TEX15: variants seen among roughly 807,000 people sequenced by gnomAD.
The protein encoded by TEX15 is testis expressed 15, meiosis and synapsis associated, also known as testis-expressed protein 15.
TEX15 carries 171 observed loss-of-function variants against 237.3 expected under a neutral mutation model. The ratio of observed to expected loss-of-function variants is 0.72; its 90% CI spans 0.64 to 0.82. The LOEUF is 0.82. Ranked by LOEUF, TEX15 falls within the 40% of genes least tolerant of loss-of-function variation. TEX15 has a pLI of 0.00. For missense variants in TEX15, 3,750 were observed against 3,646.5 expected, an observed-to-expected ratio of 1.03 and a Z score of -0.73; for synonymous variants, 1,338 against 1,269.8, an observed-to-expected ratio of 1.05 and a Z score of -1.14.
chr8:30,846,281 C>T lies in TEX15; in HGVS notation c.3886G>A (p.Glu1296Lys). The T allele has an allele frequency of 6.2e-7, 1 of 1,613,288 alleles. No homozygotes were observed. The highest frequency in any genetic ancestry group is 8.5e-7 in the Non-Finnish European group (1 of 1,179,658). Reference sequence around the variant, plus strand: ...AGCTTCCTTTTGCTAATTCTTGATTCTACCTCCTTTTTATTTTTGGTATCA... The same window carrying T: ...AGCTTCCTTTTGCTAATTCTTGATTTTACCTCCTTTTTATTTTTGGTATCA... ...YNDTKNKKEVESRISKRKLHI... is the reference protein window; with the variant it reads ...YNDTKNKKEVKSRISKRKLHI... The change falls in exon 8 of 11, where the codon GAA (glutamate) becomes AAA (lysine). Residue 1296 changes from glutamate to lysine, a missense_variant. Glu to Lys is a moderately conservative substitution (Grantham distance 56). Coordinates refer to ENST00000643185, the MANE Select transcript of TEX15 (RefSeq NM_001350162.2).
At chr8:30,860,090 A>G (rs1473523040) in intron 5 of TEX15, 33 bp from the exon 6 acceptor site, 1 of 1,427,270 alleles carries the variant, frequency 7.0e-7, no homozygotes, top group East Asian at 2.6e-5. Context: ...AAAAGTACGT[A>G]AAAATATACC....
At chr8:30,894,211 C>T (rs1267749694) in intron 2 of TEX15, among the ~76,000 whole-genome samples, 2 of 152,222 alleles carry the variant, frequency 1.3e-5, no homozygotes, top group East Asian at 3.9e-4. Flanking sequence ...CTTCCTGCTA[C>T]GTGGCAGGCT....
chr8:30,869,161 G>T (rs1808237275), intron 4 of TEX15, among the ~76,000 whole-genome samples: 1 of 151,760 alleles, frequency 6.6e-6, no homozygotes, highest in African/African-American at 2.4e-5. Context: ...TCTAAAAATT[G>T]CATAAAAGGT....
chr8:30,849,209 G>T lies in TEX15; in HGVS notation c.958C>A (p.Gln320Lys). 1 of 1,536,570 alleles carries T rather than the reference G, an allele frequency of 6.5e-7. No individual in the cohort carries two copies. Among genetic ancestry groups the T allele is most frequent in the Non-Finnish European group, 8.7e-7 (1 of 1,146,816 alleles). The change falls in exon 8 of 11, where the codon CAA (glutamine) becomes AAA (lysine). Residue 320 changes from glutamine (Q) to lysine (K), a missense_variant. Physicochemically the swap from Gln to Lys is moderately conservative, Grantham distance 53 (BLOSUM62 1). Coordinates refer to ENST00000643185, the MANE Select transcript of TEX15 (RefSeq NM_001350162.2). ...HFKKPVDPFV[Q>K]ENCLCNALNS... ...AGTGCATTGCATAAACAGTTTTCTT[G>T]AACAAATGGATCTACAGGTTTCTTG...
intron 7 of TEX15, among the ~76,000 whole-genome samples, chr8:30,854,859 G>A (rs1011739184): frequency 5.3e-5 from 8 of 151,892 alleles, no homozygotes; most frequent in African/African-American, 1.9e-4. Flanking sequence ...ACATTATATC[G>A]ATAAAAACAA....
In TEX15 at chr8:30,845,384, G is replaced by A; in HGVS notation, c.4783C>T (p.His1595Tyr). Residue 1595 changes from histidine to tyrosine, a missense_variant, in exon 8 of 11, where the codon CAT becomes TAT. His to Tyr is a moderately conservative substitution (Grantham distance 83). Coordinates refer to ENST00000643185, the MANE Select transcript of TEX15 (RefSeq NM_001350162.2). The part of the protein sequence containing the change: ...YEKLEKHSAN[H>Y]NVKDATKENS... ...TCTTTAGTTGCATCTTTAACATTAT[G>A]ATTTGCTGAATGTTTTTCAAGCTTT... is the stretch of plus-strand genomic sequence containing the variant. The A allele has an allele frequency of 6.2e-7, 1 of 1,611,280 alleles. No individual in the cohort carries two copies. Among genetic ancestry groups the A allele is most frequent in the Non-Finnish European group, 8.5e-7 (1 of 1,178,246 alleles).
intron 1 of TEX15, among the ~76,000 whole-genome samples, chr8:30,906,886 C>CA (rs1006730570): frequency 1.3e-5 from 2 of 152,060 alleles, no homozygotes; most frequent in East Asian, 1.9e-4. Flanking sequence ...TTGAAAGACA[C>CA]AAAAAATTGC....
At chr8:30,876,722 C>T (rs958875782) in intron 3 of TEX15, among the ~76,000 whole-genome samples, 5 of 152,140 alleles carry the variant, frequency 3.3e-5, no homozygotes, top group African/African-American at 9.7e-5. Context: ...TTCAGCATTA[C>T]ACTTGGAGAC....
At chr8:30,910,634 G>A (rs866192075) in intron 1 of TEX15, among the ~76,000 whole-genome samples, 2 of 46,282 alleles carry the variant, frequency 4.3e-5, no homozygotes, top group Admixed American at 5.2e-4. Context: ...TTTTTTTTTT[G>A]GTAGAGACGG....
chr8:30,865,645 T>C lies in TEX15; in HGVS notation c.540+1620A>G, dbSNP rs952941705. Among the ~76,000 whole-genome samples, 4 of 152,206 alleles carry C rather than the reference T, an allele frequency of 2.6e-5. No individual in the cohort carries two copies. The East Asian group carries it at 7.7e-4, about 29-fold the overall frequency. On this transcript the variant is annotated intron_variant, in intron 5 of 10. Transcript: ENST00000643185. ...ACCAGCGATGCAAGGATGGTTCAAC[T>C]TATACAAATCAATAAACGTGATAGA...
chr8:30,838,149 C>T (rs1455775228), intron 9 of TEX15, 88 bp from the exon 10 acceptor site: 2 of 1,199,448 alleles, frequency 1.7e-6, no homozygotes, highest in African/African-American at 3.1e-5. Context: ...AATTTTTATC[C>T]AGGGGAAGAG....
At chr8:30,853,498 TA>T in intron 7 of TEX15, among the ~76,000 whole-genome samples, 1 of 152,030 alleles carries the variant, frequency 6.6e-6, no homozygotes, top group East Asian at 1.9e-4. Context: ...ATAATACAAA[TA>T]AAAAACACAG....
At chr8:30,854,820 T>C (rs766709905) in intron 7 of TEX15, among the ~76,000 whole-genome samples, 1 of 152,120 alleles carries the variant, frequency 6.6e-6, no homozygotes, top group Admixed American at 6.5e-5. Context: ...AGGAATGCGA[T>C]GTTAACATCT....
At chr8:30,851,157 T>C (rs191042141) in intron 7 of TEX15, among the ~76,000 whole-genome samples, 2 of 151,870 alleles carry the variant, frequency 1.3e-5, no homozygotes, top group African/African-American at 4.9e-5. Context: ...CCCAAAGTTC[T>C]ATGGACAAGG....
At chr8:30,907,684 A>T (rs1809136591) in intron 1 of TEX15, among the ~76,000 whole-genome samples, 1 of 139,752 alleles carries the variant, frequency 7.2e-6, no homozygotes, top group Non-Finnish European at 1.6e-5. Flanking sequence ...TATATATAAA[A>T]TTTTATATAT....
rs1452831819 is a variant in TEX15 at position 30,887,265 on chromosome 8, C to T, written c.38G>A (p.Trp13Ter). 6.5e-7 allele frequency: 1 copy of T among 1,535,856 alleles called. No individual in the cohort carries two copies. The highest frequency in any genetic ancestry group is 2.0e-5 in the Admixed American group (1 of 50,976). The change falls in exon 3 of 11, where the codon TGG becomes TAG. Residue 13 changes from tryptophan to a stop codon, truncating the protein, a stop_gained. Coordinates refer to ENST00000643185, the MANE Select transcript of TEX15 (RefSeq NM_001350162.2). LOFTEE classifies it high-confidence loss of function. ...GGGTTTGCTAGTTGAGCTCATTTGC[C>T]ACAGTGTATCCTGTTTAGCAGTTTC... The part of the protein sequence containing the change: ...MKETAKQDTL[W>*]QMSSTSKPVL...
At chr8:30,879,938 T>TA (rs35862520) in intron 3 of TEX15, among the ~76,000 whole-genome samples, 29 of 117,730 alleles carry the variant, frequency 2.5e-4, no homozygotes, top group South Asian at 1.5e-3. Context: ...TTTTTTTTTT[T>TA]AAAAAAAAAA....
In TEX15 at chr8:30,870,469, C is replaced by A. The variant is rs764403787; in HGVS notation, c.303-2967G>T. On this transcript the variant is annotated intron_variant, in intron 4 of 10. Coordinates refer to ENST00000643185, the MANE Select transcript of TEX15 (RefSeq NM_001350162.2). ...GAAGTATTTTTTCTCTAAGTTTAAGCGGAAACACAAGTTCATACAAGGTAT... is the reference window on the plus strand; with the variant it reads ...GAAGTATTTTTTCTCTAAGTTTAAGAGGAAACACAAGTTCATACAAGGTAT... Among the ~76,000 whole-genome samples the A allele has an allele frequency of 7.3e-4, 110 of 151,652 alleles. 2 individuals carry two copies. The highest frequency in any genetic ancestry group is 3.2e-4 in the Non-Finnish European group (22 of 67,902).
Position 30,845,780 on chromosome 8 carries a change from C to T in TEX15, c.4387G>A (p.Ala1463Thr), listed in dbSNP as rs551560084. The change falls in exon 8 of 11, where the codon GCT (alanine) becomes ACT (threonine). Residue 1463 changes from alanine to threonine, a missense_variant. Transcript: ENST00000643185. ...TGGGTTAATGATTTAGAAATATCAG[C>T]TTTTGGAGCTCTTTTCTTTCTCCGT... ...DKRRKKRAPK[A>T]DISKSLTHVS... 31 of 1,611,562 alleles carry T rather than the reference C, an allele frequency of 1.9e-5. 1 individual carries two copies. In the Admixed American group the frequency reaches 2.3e-4, roughly 12 times the overall value.
Sources: allele counts gnomAD v4.1 joint callset (sites outside exome capture counted in the v4.1 genomes callset), GRCh38; gene constraint gnomAD v4.1.1; transcripts MANE v1.5; gene names NCBI Gene and HGNC (gene_info 2026-07-23, HGNC 2026-07-21).